Variants in NAALADL2 observed in about 807,000 individuals in gnomAD.
The protein encoded by NAALADL2 is N-acetylated alpha-linked acidic dipeptidase like 2.
Under a neutral mutation model 87.2 loss-of-function variants are expected in NAALADL2, and 76 were observed. That is an observed-to-expected ratio of 0.87 (90% confidence interval 0.72 to 1.05). The LOEUF is 1.05. NAALADL2 is among the 50% of genes least tolerant of loss of function. The pLI is 0.00. For missense variants in NAALADL2, 1,089 were observed against 945.8 expected, an observed-to-expected ratio of 1.15 and a Z score of -1.99; for synonymous variants, 354 against 331.0, an observed-to-expected ratio of 1.07 and a Z score of -0.75.
At chr3:175,102,528 T>C (rs1722388170) in intron 2 of NAALADL2, among the ~76,000 whole-genome samples, 1 of 152,212 alleles carries the variant, frequency 6.6e-6, no homozygotes, top group African/African-American at 2.4e-5. Flanking sequence ...AATGTCATAA[T>C]AGTAAAGCAG....
intron 1 of NAALADL2, among the ~76,000 whole-genome samples, chr3:174,890,078 T>A (rs1730682153): frequency 6.6e-6 from 1 of 152,188 alleles, no homozygotes; most frequent in South Asian, 2.1e-4. Context: ...GTCCTTGAGA[T>A]AATATCGGTA....
At chr3:174,773,284 A>C (rs1288437581) in intron 3 of NAALADL2, among the ~76,000 whole-genome samples, 1 of 152,142 alleles carries the variant, frequency 6.6e-6, no homozygotes, top group African/African-American at 2.4e-5. Flanking sequence ...CAAGCTAAAA[A>C]ACTTTTCTCT....
intron 3 of NAALADL2, among the ~76,000 whole-genome samples, chr3:174,738,062 A>C (rs1281932942): frequency 1.3e-5 from 2 of 152,152 alleles, no homozygotes; most frequent in Non-Finnish European, 2.9e-5. Flanking sequence ...ATGACTAATA[A>C]GATTAAGTCG....
At chr3:175,170,458 A>G (rs997802050) in intron 2 of NAALADL2, among the ~76,000 whole-genome samples, 2 of 146,914 alleles carry the variant, frequency 1.4e-5, no homozygotes, top group African/African-American at 4.9e-5. Context: ...ATAAATAAAT[A>G]TAATATATAT....
chr3:175,087,026 T>G (rs1319616484), intron 1 of NAALADL2, among the ~76,000 whole-genome samples: 1 of 152,126 alleles, frequency 6.6e-6, no homozygotes, highest in Non-Finnish European at 1.5e-5. Context: ...TTTTTTATAT[T>G]AATGGGAGGC....
intron 2 of NAALADL2, among the ~76,000 whole-genome samples, chr3:175,224,585 C>T (rs538560926): frequency 2.6e-5 from 4 of 152,104 alleles, no homozygotes; most frequent in African/African-American, 4.8e-5. Flanking sequence ...ACCCACTCCC[C>T]ACTGCCAAAC....
chr3:175,487,373 G>T (rs1032303587), intron 9 of NAALADL2, among the ~76,000 whole-genome samples: 2 of 152,150 alleles, frequency 1.3e-5, no homozygotes, highest in Non-Finnish European at 2.9e-5. Context: ...AGGCATAGTT[G>T]TCTGTTTTGT....
At chr3:175,019,319 C>T (rs747534291) in intron 1 of NAALADL2, among the ~76,000 whole-genome samples, 23 of 151,952 alleles carry the variant, frequency 1.5e-4, no homozygotes, top group East Asian at 5.8e-4. Context: ...AATTATAATC[C>T]GCTAAGAAAT....
chr3:175,386,596 C>T (rs922194948), intron 5 of NAALADL2, among the ~76,000 whole-genome samples: 1 of 151,676 alleles, frequency 6.6e-6, no homozygotes, highest in Admixed American at 6.6e-5. Flanking sequence ...CCCAGTATTG[C>T]TTTCTGCAAT....
intron 10 of NAALADL2, among the ~76,000 whole-genome samples, chr3:175,594,796 G>T (rs999724474): frequency 2.0e-5 from 3 of 151,986 alleles, no homozygotes; most frequent in Non-Finnish European, 4.4e-5. Flanking sequence ...CCACTTCTAT[G>T]TATTCTTTTG....
At chr3:174,833,356 TAAAGAG>T (rs1287502604) in intron 3 of NAALADL2, among the ~76,000 whole-genome samples, 1 of 151,790 alleles carries the variant, frequency 6.6e-6, no homozygotes, top group African/African-American at 2.4e-5. Context: ...TACTGACTCA[TAAAGAG>T]AAAGAAAAAC....
At chr3:175,443,504 GTTTA>G (rs1720170603) in intron 5 of NAALADL2, among the ~76,000 whole-genome samples, 1 of 152,154 alleles carries the variant, frequency 6.6e-6, no homozygotes, top group Non-Finnish European at 1.5e-5. Context: ...GGTTTTGAAA[GTTTA>G]TTTAATATGT....
intron 3 of NAALADL2, among the ~76,000 whole-genome samples, chr3:175,255,285 A>G (rs556993298): frequency 5.8e-4 from 88 of 152,300 alleles, no homozygotes; most frequent in Admixed American, 1.6e-3. Flanking sequence ...AGATTTACAG[A>G]TCTCTTGGAG....
chr3:174,883,760 T>G (rs1729720678), intron 1 of NAALADL2, among the ~76,000 whole-genome samples: 1 of 152,178 alleles, frequency 6.6e-6, no homozygotes, highest in Admixed American at 6.5e-5. Context: ...CAGCAGGTTG[T>G]GGTTTTTCTC....
rs551770474 is a variant in NAALADL2, at chr3:174,674,477, G to A, written c.-114-63164G>A. ...GAAACGGAGCTTCTTTGTTTCAAGG[G>A]ATGATGTCCCATTTCTACTCAACCA... On this transcript the variant is annotated intron_variant, in intron 2 of 3. Coordinates refer to the NAALADL2 transcript ENST00000434257. Among the ~76,000 whole-genome samples the A allele has an allele frequency of 2.6e-5, 4 of 151,932 alleles. No individual in the cohort carries two copies. In the South Asian group the frequency reaches 8.3e-4, roughly 32 times the overall value.
At chr3:175,174,539 T>C (rs997977791) in intron 2 of NAALADL2, among the ~76,000 whole-genome samples, 8 of 152,098 alleles carry the variant, frequency 5.3e-5, no homozygotes, top group African/African-American at 1.9e-4. Flanking sequence ...AAAAGAAATT[T>C]TCTTGTATGT....
intron 1 of NAALADL2, among the ~76,000 whole-genome samples, chr3:175,078,760 CA>C (rs1433917793): frequency 1.3e-5 from 2 of 152,156 alleles, no homozygotes; most frequent in Admixed American, 6.5e-5. Flanking sequence ...TACTATGTAT[CA>C]GTACTTAATT....
intron 11 of NAALADL2, among the ~76,000 whole-genome samples, chr3:175,735,524 C>A (rs909679046): frequency 3.9e-5 from 6 of 152,178 alleles, no homozygotes; most frequent in African/African-American, 1.4e-4. Context: ...TAATGGAAAA[C>A]TCACAGTTTC....
At chr3:175,141,998 G>A (rs1422464922) in intron 2 of NAALADL2, among the ~76,000 whole-genome samples, 1 of 152,030 alleles carries the variant, frequency 6.6e-6, no homozygotes, top group Non-Finnish European at 1.5e-5. Flanking sequence ...AACACCATAG[G>A]TGTTTGCATT....
Sources: allele counts gnomAD v4.1 joint callset (sites outside exome capture counted in the v4.1 genomes callset), GRCh38; gene constraint gnomAD v4.1.1; transcripts MANE v1.5; gene names NCBI Gene and HGNC (gene_info 2026-07-23, HGNC 2026-07-21).